ZFP69: variants seen among roughly 807,000 people sequenced by gnomAD.
The protein encoded by ZFP69 is ZFP69 zinc finger protein, also known as zinc finger protein 69 homolog.
A neutral mutation model predicts 48.9 loss-of-function variants in ZFP69; 35 were observed. That is an observed-to-expected ratio of 0.72 (90% CI 0.55 to 0.95). ZFP69 has a LOEUF of 0.95. Ranked by LOEUF, ZFP69 falls within the 40% of genes least tolerant of loss-of-function variation. The pLI is 0.00. For missense variants in ZFP69, 557 were observed against 638.4 expected, an observed-to-expected ratio of 0.87 and a Z score of 1.37; for synonymous variants, 193 against 216.8, an observed-to-expected ratio of 0.89 and a Z score of 0.96.
intron 2 of ZFP69, among the ~76,000 whole-genome samples, chr1:40,479,994 A>G (rs528365937): frequency 5.3e-5 from 8 of 152,190 alleles, no homozygotes. Flanking sequence ...TGGTCTGGTT[A>G]GGAGTAAATA....
intron 5 of ZFP69, chr1:40,491,269 T>C (rs1156942260): frequency 6.6e-6 from 1 of 152,244 alleles, no homozygotes; most frequent in Non-Finnish European, 1.5e-5. Flanking sequence ...TTCCTGTTGA[T>C]AGACATTTAC....
At chr1:40,484,262 C>T (rs1347243225) in intron 3 of ZFP69, among the ~76,000 whole-genome samples, 6 of 151,840 alleles carry the variant, frequency 4.0e-5, no homozygotes, top group South Asian at 2.1e-4. Context: ...TGCAGTGGTG[C>T]GATCTCAGCT....
chr1:40,492,082 C>T (rs1400750569), intron 5 of ZFP69, among the ~76,000 whole-genome samples: 2 of 152,058 alleles, frequency 1.3e-5, no homozygotes, highest in African/African-American at 2.4e-5. Flanking sequence ...AAGCTGGCCT[C>T]GAATTCCTGG....
intron 5 of ZFP69, among the ~76,000 whole-genome samples, chr1:40,491,310 G>A (rs1261025478): frequency 6.6e-6 from 1 of 152,170 alleles, no homozygotes; most frequent in African/African-American, 2.4e-5. Flanking sequence ...TTACAAAGAT[G>A]CTACAGCAAA....
At position 40,477,750 on chromosome 1, in the gene ZFP69, G is replaced by C. The variant is rs1645403263; in HGVS notation, c.-471G>C. Reference sequence around the variant, plus strand: ...GAATGATTGCGTTGAGTGGAGATGTGGTCTGTCTATAAAAGGCCGGGAGGG... The same window carrying C: ...GAATGATTGCGTTGAGTGGAGATGTCGTCTGTCTATAAAAGGCCGGGAGGG... On this transcript the variant is annotated 5_prime_UTR_variant, in exon 1 of 6. Coordinates refer to ENST00000372706, the MANE Select transcript of ZFP69 (RefSeq NM_001320179.2). This position sits in a 1 kb window ranked among gnomAD's most constrained non-coding sequence, Gnocchi z 4.0. The C allele has an allele frequency of 6.6e-6, 1 of 152,068 alleles. No homozygotes were observed. Among genetic ancestry groups the C allele is most frequent in the African/African-American group, 2.4e-5 (1 of 41,408 alleles). The allele number at this position is 152,068 out of a possible 1,614,324, so 9.4% of individuals were successfully genotyped here.
At chr1:40,484,070 C>T (rs146115726) in intron 3 of ZFP69, among the ~76,000 whole-genome samples, 48 of 151,908 alleles carry the variant, frequency 3.2e-4, no homozygotes, top group African/African-American at 1.1e-3. Flanking sequence ...AGCAAAACTC[C>T]GTCTCAAAAA....
At position 40,495,544 on chromosome 1, in the gene ZFP69, G is replaced by A. The variant is rs770350728; in HGVS notation, c.1066G>A (p.Val356Ile). 1 of 1,614,182 alleles carries A rather than the reference G, an allele frequency of 6.2e-7. No homozygotes were observed. The highest frequency in any genetic ancestry group is 1.1e-5 in the South Asian group (1 of 91,090). Reference protein sequence around the residue: ...HRTHTGEKPYVCDKCQKAFSQ... With the variant: ...HRTHTGEKPYICDKCQKAFSQ... ...AACTCACACTGGGGAGAAACCCTAT[G>A]TATGTGATAAATGTCAGAAAGCTTT... Residue 356 changes from valine to isoleucine, a missense_variant, in exon 6 of 6, where the codon GTA becomes ATA. By Grantham distance (29) the Val-to-Ile change is conservative. Transcript: ENST00000372706.
Position 40,480,935 on chromosome 1 carries a change from A to G in ZFP69, c.128-828A>G, listed in dbSNP as rs142040164. 3.5e-4 allele frequency among the ~76,000 whole-genome samples: 53 copies of G among 152,342 alleles called. No individual in the cohort carries two copies. In the East Asian group the frequency reaches 7.5e-3, roughly 22 times the overall value. ...AGAAGATTTGGACTTCAAGGGTTTC[A>G]TCGAAGTTTGTGACCTTAATTAGCT... On this transcript the variant is annotated intron_variant, in intron 2 of 5. Coordinates refer to ENST00000372706, the MANE Select transcript of ZFP69 (RefSeq NM_001320179.2).
chr1:40,494,503 C>T (rs113588068), intron 5 of ZFP69, among the ~76,000 whole-genome samples: 21,205 of 145,464 alleles, frequency 0.15, 1,719 homozygotes, highest in Middle Eastern at 0.23. Flanking sequence ...CTCCTGACCT[C>T]GTGATCCGCC....
At chr1:40,479,664 C>T (rs1645425172) in intron 2 of ZFP69, among the ~76,000 whole-genome samples, 176 bp downstream of exon 2, 1 of 152,158 alleles carries the variant, frequency 6.6e-6, no homozygotes, top group Non-Finnish European at 1.5e-5. Context: ...GCATGGACTC[C>T]TTGTGACACG....
Position 40,496,089 on chromosome 1 carries a change from C to G in ZFP69, c.*30C>G. 2 of 1,530,318 alleles carry G rather than the reference C, an allele frequency of 1.3e-6. No homozygotes were observed. The highest frequency in any genetic ancestry group is 1.3e-5 in the South Asian group (1 of 76,320). The allele number at this position is 1,530,318 out of a possible 1,614,324, so 94.8% of individuals were successfully genotyped here. On this transcript the variant is annotated 3_prime_UTR_variant, in exon 6 of 6. Coordinates refer to ENST00000372706, the MANE Select transcript of ZFP69 (RefSeq NM_001320179.2). ...AGATATTTGACTTGAGAACAAAAGC[C>G]AAGTGTAAATTGGTGATTTAGAGTG...
intron 2 of ZFP69, among the ~76,000 whole-genome samples, chr1:40,481,099 G>A (rs946840550): frequency 6.6e-6 from 1 of 152,122 alleles, no homozygotes; most frequent in South Asian, 2.1e-4. Context: ...GAGCCACTGC[G>A]CCCGGCCTGG....
chr1:40,485,423 G>A (rs980034482), intron 3 of ZFP69, among the ~76,000 whole-genome samples: 1 of 152,022 alleles, frequency 6.6e-6, no homozygotes, highest in Admixed American at 6.5e-5. Flanking sequence ...CTCTTAGTGT[G>A]TTGTCAATAT....
intron 5 of ZFP69, among the ~76,000 whole-genome samples, chr1:40,489,947 G>A (rs969547717): frequency 2.1e-5 from 3 of 143,914 alleles, no homozygotes; most frequent in African/African-American, 7.9e-5. Context: ...TTGGCTCACT[G>A]CAACCTCCGC....
chr1:40,481,762 G>T lies in ZFP69; in HGVS notation c.128-1G>T, dbSNP rs150122669. ...AGCTCATGGCTCTTTTCCTTCCCCA[G>T]CTCTGCTGTCTCAGGATGCTGAGGA... is the stretch of plus-strand genomic sequence containing the variant. On this transcript the variant is annotated splice_acceptor_variant, in intron 2 of 5. Coordinates refer to ENST00000372706, the MANE Select transcript of ZFP69 (RefSeq NM_001320179.2). LOFTEE classifies it high-confidence loss of function. The T allele has an allele frequency of 9.8e-4, 1,567 of 1,604,992 alleles. 2 individuals are homozygous for T. Among genetic ancestry groups the T allele is most frequent in the Non-Finnish European group, 1.2e-3 (1,452 of 1,174,378 alleles).
At chr1:40,489,259 G>A (rs767190624) in intron 4 of ZFP69, 45 bp downstream of exon 4, 11 of 1,596,606 alleles carry the variant, frequency 6.9e-6, no homozygotes, top group Non-Finnish European at 8.5e-6. Flanking sequence ...CCCATTACAG[G>A]AGAGTCATTA....
At chr1:40,483,883 C>T (rs1645467946) in intron 3 of ZFP69, among the ~76,000 whole-genome samples, 1 of 152,094 alleles carries the variant, frequency 6.6e-6, no homozygotes, top group African/African-American at 2.4e-5. Flanking sequence ...TCAAGACCAG[C>T]CTGTCCAACA....
chr1:40,496,002 T>G lies in ZFP69; in HGVS notation c.1524T>G (p.Ser508=), dbSNP rs1382181573. 5.0e-6 allele frequency: 8 copies of G among 1,612,592 alleles called. No individual in the cohort carries two copies. In the South Asian group the frequency reaches 5.5e-5, roughly 11 times the overall value. The part of the protein sequence containing the change: ...NECGKAFSYN[S]SLSRHHEIHR... ...GTGGAAAAGCCTTCAGCTATAACTC[T>G]TCACTTAGTCGACATCATGAAATAC... Residue 508 remains serine, a synonymous_variant, in exon 6 of 6, where the codon TCT becomes TCG. Transcript: ENST00000372706.
chr1:40,484,698 C>T (rs1253235170), intron 3 of ZFP69, among the ~76,000 whole-genome samples: 2 of 151,058 alleles, frequency 1.3e-5, no homozygotes, highest in Non-Finnish European at 1.5e-5. Flanking sequence ...CTGCCTTAGC[C>T]TCCTGAGTAG....
Sources: gnomAD v4.1 joint callset for allele counts (sites outside exome capture counted in the v4.1 genomes callset) on GRCh38, gnomAD v4.1.1 for gene constraint, Gnocchi (gnomAD v3.1) non-coding constraint, MANE v1.5 for transcripts, NCBI Gene and HGNC (gene_info 2026-07-23, HGNC 2026-07-21) for gene names.